HUWE1: variants seen among roughly 807,000 people sequenced by gnomAD.
HUWE1 encodes the protein HECT, UBA and WWE domain containing E3 ubiquitin protein ligase 1, also known as E3 ubiquitin-protein ligase HUWE1.
A neutral mutation model predicts 299.4 loss-of-function variants in HUWE1; 18 were observed. That is an observed-to-expected ratio of 0.06 (90% CI 0.04 to 0.09). The LOEUF is 0.09. Ranked by LOEUF, HUWE1 falls within the 10% of genes least tolerant of loss-of-function variation. The pLI, the probability that HUWE1 is intolerant of heterozygous loss-of-function variation, is 1.00. For synonymous variants in HUWE1, 1,317 were observed against 1,286.1 expected, an observed-to-expected ratio of 1.02 and a Z score of -0.51; for missense variants, 1,832 against 3,462.3, an observed-to-expected ratio of 0.53 and a Z score of 11.82.
At position 53,631,372 on chromosome X, in the gene HUWE1, A is replaced by G. The variant is rs191572518; in HGVS notation, c.762+42T>C. The stretch of plus-strand genomic sequence containing the variant: ...CAGTACATATCATTAATCTATTTAG[A>G]TAACAACCACATCCTGTGGATGTTT... On this transcript the variant is annotated intron_variant, in intron 11 of 83. Transcript: ENST00000262854. The G allele has an allele frequency of 8.9e-5, 89 of 1,000,138 alleles. 1 individual carries two copies. In the East Asian group the frequency reaches 2.3e-3, roughly 26 times the overall value. 82.4% of individuals were successfully genotyped at this position (1,000,138 alleles called of 1,213,427 possible).
chrX:53,558,461 G>A (rs1488019699), intron 59 of HUWE1, among the ~76,000 whole-genome samples, 194 bp downstream of exon 59: 1 of 112,030 alleles, frequency 8.9e-6, no homozygotes, highest in Non-Finnish European at 1.9e-5. Context: ...TGACACTTGA[G>A]AAATCTCCCC....
Position 53,549,316 on chromosome X carries a change from C to T in HUWE1, c.9678G>A (p.Leu3226=). 1 of 1,211,893 alleles carries T rather than the reference C, an allele frequency of 8.3e-7. No individual in the cohort carries two copies. The highest frequency in any genetic ancestry group is 1.1e-6 in the Non-Finnish European group (1 of 895,437). ...CACTGCTGCGCTGCAAGATGGAGAG[C>T]AGACTGCGGATGACCCAGTGGCGGG... ...AQTRHWVIRS[L]LSILQRSSES... is the part of the protein sequence containing the mutation. The change falls in exon 67 of 84, where the codon CTG becomes CTA. Residue 3226 remains leucine, a synonymous_variant. Coordinates refer to ENST00000262854, the MANE Select transcript of HUWE1 (RefSeq NM_031407.7).
At position 53,603,618 on chromosome X, in the gene HUWE1, TCA is replaced by T; in HGVS notation, c.2743-119_2743-118del. 4 of 640,448 alleles carry T rather than the reference TCA, an allele frequency of 6.2e-6. No homozygotes were observed. The South Asian group carries it at 1.0e-4, about 16-fold the overall frequency. The allele number at this position is 640,448 out of a possible 1,213,427, so 52.8% of individuals were successfully genotyped here. Reference sequence around the variant, plus strand: ...AAGGGATTTTTCTTCATTGCTATTCTCAGAGTTATCCACCTCATCAAAATGTC... The same window carrying T: ...AAGGGATTTTTCTTCATTGCTATTCTGAGTTATCCACCTCATCAAAATGTC... On this transcript the variant is annotated intron_variant, in intron 26 of 83. Transcript: ENST00000262854.
intron 29 of HUWE1, among the ~76,000 whole-genome samples, chrX:53,596,448 T>C (rs1381755521): frequency 8.9e-6 from 1 of 112,613 alleles, no homozygotes; most frequent in Non-Finnish European, 1.9e-5. Flanking sequence ...AAATTTAATA[T>C]TTATCACACT....
At chrX:53,605,890 A>C (rs2065123003) in intron 25 of HUWE1, among the ~76,000 whole-genome samples, 1 of 112,024 alleles carries the variant, frequency 8.9e-6, no homozygotes, top group Non-Finnish European at 1.9e-5. Context: ...ATGATTTTTG[A>C]CAAAGGTACC....
chrX:53,603,569 G>A, intron 26 of HUWE1, 68 bp from the exon 27 acceptor site: 1 of 1,015,773 alleles, frequency 9.8e-7, no homozygotes, highest in Non-Finnish European at 1.4e-6. Flanking sequence ...AAAAAAAATT[G>A]ACCTTCAACA....
In HUWE1 at chrX:53,603,636, T is replaced by C. The variant is rs1298305400; in HGVS notation, c.2743-135A>G. 4 of 550,622 alleles carry C rather than the reference T, an allele frequency of 7.3e-6. No homozygotes were observed. The Admixed American group carries it at 8.7e-5, about 12-fold the overall frequency. 45.4% of individuals were successfully genotyped at this position (550,622 alleles called of 1,213,427 possible). ...GCTATTCTCAGAGTTATCCACCTCATCAAAATGTCCACACTCAAGACGACA... is the reference window on the plus strand; with the variant it reads ...GCTATTCTCAGAGTTATCCACCTCACCAAAATGTCCACACTCAAGACGACA... On this transcript the variant is annotated intron_variant, in intron 26 of 83. Coordinates refer to ENST00000262854, the MANE Select transcript of HUWE1 (RefSeq NM_031407.7).
intron 74 of HUWE1, among the ~76,000 whole-genome samples, chrX:53,540,572 C>A (rs2061300875): frequency 8.9e-6 from 1 of 112,383 alleles, no homozygotes; most frequent in African/African-American, 3.2e-5. Flanking sequence ...CGTGATCCAC[C>A]TGCCTTGGCC....
At chrX:53,586,975 G>C in intron 37 of HUWE1, 66 bp from the exon 38 acceptor site, 1 of 1,108,976 alleles carries the variant, frequency 9.0e-7, no homozygotes, top group Non-Finnish European at 1.2e-6. Context: ...ACAAAGATTA[G>C]CATGGGATAG....
chrX:53,649,432 C>T lies in HUWE1; in HGVS notation c.46-1122G>A, dbSNP rs187681730. 6.3e-5 allele frequency among the ~76,000 whole-genome samples: 7 copies of T among 111,962 alleles called. No individual in the cohort carries two copies. The East Asian group carries it at 2.0e-3, about 31-fold the overall frequency. On this transcript the variant is annotated intron_variant, in intron 4 of 83. Coordinates refer to ENST00000262854, the MANE Select transcript of HUWE1 (RefSeq NM_031407.7). Reference sequence around the variant, plus strand: ...GTACCTATATATCCAGCAATGCTGTCGTGAGATTCAAACTGGGAGAAACGT... The same window carrying T: ...GTACCTATATATCCAGCAATGCTGTTGTGAGATTCAAACTGGGAGAAACGT...
chrX:53,542,570 G>C (rs782574490), intron 73 of HUWE1, 31 bp from the exon 74 acceptor site: 7 of 968,724 alleles, frequency 7.2e-6, no homozygotes, highest in Non-Finnish European at 1.5e-6. Flanking sequence ...AATCACATAA[G>C]GGTGCAACTC....
chrX:53,586,843 A>G lies in HUWE1; in HGVS notation c.4681T>C (p.Leu1561=). The G allele has an allele frequency of 1.7e-6, 2 of 1,211,112 alleles. No individual in the cohort carries two copies. Among genetic ancestry groups the G allele is most frequent in the Non-Finnish European group, 2.2e-6 (2 of 895,082 alleles). ...TGGAGGCAGGGCTGAACCACTTCCA[A>G]GAGTTTGATTAGGACATTAAGGATG... ...SGILNVLIKL[L]EVVQPCLQAA... is the part of the protein sequence containing the mutation. The change falls in exon 38 of 84, where the codon TTG becomes CTG. Residue 1561 remains leucine (L), a synonymous_variant. Transcript: ENST00000262854.
At chrX:53,589,403 G>A in intron 36 of HUWE1, 144 bp downstream of exon 36, 1 of 595,392 alleles carries the variant, frequency 1.7e-6, no homozygotes, top group East Asian at 3.2e-5. Flanking sequence ...ACTGTTTCAG[G>A]ATTACCAGAT....
chrX:53,585,035 C>T lies in HUWE1; in HGVS notation c.4978G>A (p.Val1660Ile). The T allele has an allele frequency of 1.7e-6, 2 of 1,211,808 alleles. No individual in the cohort carries two copies. Among genetic ancestry groups the T allele is most frequent in the Non-Finnish European group, 2.2e-6 (2 of 895,532 alleles). The change falls in exon 40 of 84, where the codon GTC (valine) becomes ATC (isoleucine). Residue 1660 changes from valine (V) to isoleucine (I), a missense_variant. By Grantham distance (29) the Val-to-Ile change is conservative. Coordinates refer to ENST00000262854, the MANE Select transcript of HUWE1 (RefSeq NM_031407.7). ...ACCTGCACCATTGTAGTGAATTGGA[C>T]CGTGTATCTTCTTCGGCCTGCAGTG... ...RFTAGRRRYT[V>I]QFTTMVQVNE... is the part of the protein sequence containing the mutation.
chrX:53,605,548 A>G (rs1351617466), intron 25 of HUWE1, among the ~76,000 whole-genome samples: 1 of 112,586 alleles, frequency 8.9e-6, no homozygotes, highest in Non-Finnish European at 1.9e-5. Flanking sequence ...AAGCAAATGG[A>G]TTTCTCATTC....
At chrX:53,570,288 A>C (rs1556950006) in intron 47 of HUWE1, among the ~76,000 whole-genome samples, 1 of 112,287 alleles carries the variant, frequency 8.9e-6, no homozygotes, top group African/African-American at 3.2e-5. Flanking sequence ...CACCTATCTT[A>C]AAATATTTTC....
At chrX:53,608,080 C>T (rs1159710420) in intron 24 of HUWE1, among the ~76,000 whole-genome samples, 2 of 112,034 alleles carry the variant, frequency 1.8e-5, no homozygotes, top group Non-Finnish European at 3.8e-5. Flanking sequence ...CCCAAATGTG[C>T]TTATAATGCA....
At chrX:53,639,302 T>C (rs1557028772) in intron 7 of HUWE1, among the ~76,000 whole-genome samples, 2 of 112,065 alleles carry the variant, frequency 1.8e-5, no homozygotes, top group Non-Finnish European at 3.8e-5. Flanking sequence ...TGGGACTCTA[T>C]CTTATGATCT....
chrX:53,548,070 C>T lies in HUWE1; in HGVS notation c.10239G>A (p.Val3413=). 2 of 1,209,844 alleles carry T rather than the reference C, an allele frequency of 1.7e-6. No homozygotes were observed. The highest frequency in any genetic ancestry group is 1.8e-5 in the South Asian group (1 of 56,466). Reference sequence around the variant, plus strand: ...AGGTTTCCCCCTCACCGCCAGCGCTCACTGGCACTGACTTCACGGAGTTCT... The same window carrying T: ...AGGTTTCCCCCTCACCGCCAGCGCTTACTGGCACTGACTTCACGGAGTTCT... ...KGKNSVKSVP[V]SAGGEGETSP... The change falls in exon 68 of 84, where the codon GTG becomes GTA. Residue 3413 remains valine (V), a synonymous_variant. Transcript: ENST00000262854.
Sources: gnomAD v4.1 joint callset for allele counts (sites outside exome capture counted in the v4.1 genomes callset) on GRCh38, gnomAD v4.1.1 for gene constraint, MANE v1.5 for transcripts, NCBI Gene and HGNC (gene_info 2026-07-23, HGNC 2026-07-21) for gene names.